Variants in MAP2K5 observed in about 807,000 individuals in gnomAD.
MAP2K5 encodes the protein mitogen-activated protein kinase kinase 5.
A neutral mutation model predicts 83.1 loss-of-function variants in MAP2K5; 49 were observed. The ratio of observed to expected loss-of-function variants is 0.59; its 90% confidence interval spans 0.47 to 0.75. MAP2K5 has a LOEUF of 0.75. Ranked by LOEUF, MAP2K5 falls within the 30% of genes least tolerant of loss-of-function variation. MAP2K5 has a pLI of 0.00. For synonymous variants in MAP2K5, 202 were observed against 191.8 expected (o/e 1.05, Z -0.44); for missense variants, 457 against 557.5 (o/e 0.82, Z 1.82).
chr15:67,613,747 A>G (rs1266658432), intron 8 of MAP2K5, among the ~76,000 whole-genome samples: 1 of 151,522 alleles, frequency 6.6e-6, no homozygotes, highest in Non-Finnish European at 1.5e-5. Flanking sequence ...CTCCATACTC[A>G]TTTTATCTAG....
intron 17 of MAP2K5, among the ~76,000 whole-genome samples, chr15:67,741,242 C>A (rs1297550596): frequency 6.6e-6 from 1 of 152,124 alleles, no homozygotes; most frequent in Non-Finnish European, 1.5e-5. Flanking sequence ...TGCCTGGGTT[C>A]TTCAGGCAGC....
At chr15:67,776,180 G>A (rs901928844) in intron 21 of MAP2K5, among the ~76,000 whole-genome samples, 13 of 152,082 alleles carry the variant, frequency 8.5e-5, no homozygotes, top group African/African-American at 2.4e-4. Context: ...TCAGCATACC[G>A]ACAGAAGACA....
At chr15:67,798,514 G>A (rs1321998876) in intron 21 of MAP2K5, among the ~76,000 whole-genome samples, 1 of 152,178 alleles carries the variant, frequency 6.6e-6, no homozygotes, top group Non-Finnish European at 1.5e-5. Flanking sequence ...CGGCTGCTCT[G>A]TAAGTACAGG....
At chr15:67,633,119 C>T (rs2086512809) in intron 9 of MAP2K5, among the ~76,000 whole-genome samples, 1 of 152,172 alleles carries the variant, frequency 6.6e-6, no homozygotes, top group Non-Finnish European at 1.5e-5. Flanking sequence ...GAGCGCGGCC[C>T]AGTCGTACCA....
At chr15:67,682,998 G>A (rs1199472867) in intron 13 of MAP2K5, among the ~76,000 whole-genome samples, 1 of 151,964 alleles carries the variant, frequency 6.6e-6, no homozygotes, top group Non-Finnish European at 1.5e-5. Flanking sequence ...AAAACTAGCT[G>A]GGCATGGTGG....
intron 8 of MAP2K5, among the ~76,000 whole-genome samples, chr15:67,610,608 G>GT (rs997794550): frequency 2.0e-5 from 3 of 151,400 alleles, no homozygotes; most frequent in Admixed American, 6.6e-5. Flanking sequence ...TTCTGCCACA[G>GT]TTTTTTTTTC....
intron 13 of MAP2K5, among the ~76,000 whole-genome samples, chr15:67,673,648 G>T (rs1024937579): frequency 2.0e-5 from 3 of 152,008 alleles, no homozygotes; most frequent in Non-Finnish European, 4.4e-5. Context: ...TTAAACAAAA[G>T]AATTCTTGGA....
At position 67,565,376 on chromosome 15, in the gene MAP2K5, C is replaced by A. The variant is rs2084816464; in HGVS notation, c.252+2026C>A. ...TCCTGAGTAGCTGGGATTACAGGCA[C>A]CCACCACCATGCCTGGCTAATTTTT... is the stretch of plus-strand genomic sequence containing the variant. On this transcript the variant is annotated intron_variant, in intron 3 of 21. Transcript: ENST00000178640. The surrounding 1 kb of genome is among the most constrained non-coding windows in gnomAD (Gnocchi z 4.1). Among the ~76,000 whole-genome samples, 1 of 151,880 alleles carries A rather than the reference C, an allele frequency of 6.6e-6. No individual in the cohort carries two copies. Among genetic ancestry groups the A allele is most frequent in the Non-Finnish European group, 1.5e-5 (1 of 67,960 alleles).
rs1403015408 is a variant in MAP2K5 at position 67,580,800 on chromosome 15, A to T, written c.299A>T (p.Glu100Val). The change falls in exon 4 of 22, where the codon GAG becomes GTG. Residue 100 changes from glutamate to valine, a missense_variant. Glu to Val is a moderately radical substitution (Grantham distance 121). Around this residue, in one of 3 missense-constraint regions of MAP2K5, gnomAD observed 234 missense variants for 243.6 expected, o/e 0.96. Transcript: ENST00000178640. ...MEQQVNGQLIEPLQIFPRACK... is the reference protein window; with the variant it reads ...MEQQVNGQLIVPLQIFPRACK... Reference sequence around the variant, plus strand: ...CAGCAAGTAAATGGACAGTTAATAGAGCCTCTGCAGATATTTCCAAGAGGT... The same window carrying T: ...CAGCAAGTAAATGGACAGTTAATAGTGCCTCTGCAGATATTTCCAAGAGGT... 1 of 1,608,460 alleles carries T rather than the reference A, an allele frequency of 6.2e-7. No individual in the cohort carries two copies. Among genetic ancestry groups the T allele is most frequent in the African/African-American group, 1.3e-5 (1 of 74,954 alleles).
At chr15:67,612,287 A>G (rs894775149) in intron 8 of MAP2K5, among the ~76,000 whole-genome samples, 1 of 152,144 alleles carries the variant, frequency 6.6e-6, no homozygotes, top group African/African-American at 2.4e-5. Context: ...AATGGATTGG[A>G]GAATAACACC....
rs2088938457 is a variant in MAP2K5, at chr15:67,720,685, T to C, written c.1045-7231T>C. Among the ~76,000 whole-genome samples the C allele has an allele frequency of 6.6e-6, 1 of 152,082 alleles. No individual in the cohort carries two copies. The highest frequency in any genetic ancestry group is 2.4e-5 in the African/African-American group (1 of 41,406). On this transcript the variant is annotated intron_variant, in intron 16 of 21. Coordinates refer to ENST00000178640, the MANE Select transcript of MAP2K5 (RefSeq NM_145160.3). This position sits in a 1 kb window ranked among gnomAD's most constrained non-coding sequence, Gnocchi z 5.7. ...GTCAGAAGAGCTGAAAATGAGGAAG[T>C]TGCCTTGCAGAGCGCTATCAATCAC...
chr15:67,579,812 T>A (rs551292926), intron 3 of MAP2K5, among the ~76,000 whole-genome samples: 49 of 152,260 alleles, frequency 3.2e-4, no homozygotes, highest in African/African-American at 1.1e-3. Context: ...ACAATAGTAA[T>A]CAAGGAGGGA....
chr15:67,583,770 T>TA (rs55705746), intron 4 of MAP2K5, among the ~76,000 whole-genome samples: 8 of 151,974 alleles, frequency 5.3e-5, no homozygotes, highest in African/African-American at 1.7e-4. Context: ...TTTATTTATT[T>TA]TGGAGACAGA....
At chr15:67,806,586 A>G in intron 21 of MAP2K5, 60 bp from the exon 22 acceptor site, 1 of 1,433,484 alleles carries the variant, frequency 7.0e-7, no homozygotes, top group Non-Finnish European at 9.4e-7. Context: ...GGCCCTGGAA[A>G]GTACAATGAG....
In MAP2K5 at chr15:67,786,929, G is replaced by T. The variant is rs1381477835; in HGVS notation, c.1242+14177G>T. Among the ~76,000 whole-genome samples the T allele has an allele frequency of 2.6e-5, 4 of 152,184 alleles. No individual in the cohort carries two copies. The highest frequency in any genetic ancestry group is 1.3e-4 in the Admixed American group (2 of 15,282). ...GGAAGACATTCCAGGGAGAGAAAAT[G>T]GCACAGGCTGAGACCGGAGGGAACA... On this transcript the variant is annotated intron_variant, in intron 21 of 21. Transcript: ENST00000178640. This position sits in a 1 kb window ranked among gnomAD's most constrained non-coding sequence, Gnocchi z 4.7.
At chr15:67,590,357 T>A (rs2085372503) in intron 6 of MAP2K5, among the ~76,000 whole-genome samples, 1 of 151,368 alleles carries the variant, frequency 6.6e-6, no homozygotes, top group Admixed American at 6.6e-5. Context: ...AGGTCTTGAG[T>A]CCTTTCTCTT....
At chr15:67,621,876 C>T (rs956184584) in intron 8 of MAP2K5, among the ~76,000 whole-genome samples, 1 of 152,080 alleles carries the variant, frequency 6.6e-6, no homozygotes, top group Non-Finnish European at 1.5e-5. Flanking sequence ...TCAGGTGTTG[C>T]TAACTCTGTG....
At chr15:67,582,772 G>A (rs144005612) in intron 4 of MAP2K5, among the ~76,000 whole-genome samples, 3,416 of 152,006 alleles carry the variant, frequency 0.022, 133 homozygotes, top group African/African-American at 0.079. Context: ...AGTGAGCCAT[G>A]TTTGTGCCAC....
At chr15:67,611,150 T>A (rs897730270) in intron 8 of MAP2K5, among the ~76,000 whole-genome samples, 2 of 152,188 alleles carry the variant, frequency 1.3e-5, no homozygotes, top group African/African-American at 4.8e-5. Context: ...AACATAAAAC[T>A]TATTAAATCA....
Sources: gnomAD v4.1 joint callset for allele counts (sites outside exome capture counted in the v4.1 genomes callset) on GRCh38, gnomAD v4.1.1 for gene constraint, gnomAD v4.1.1 regional missense constraint, Gnocchi (gnomAD v3.1) non-coding constraint, MANE v1.5 for transcripts, NCBI Gene and HGNC (gene_info 2026-07-23, HGNC 2026-07-21) for gene names.